Variants in MYCBP2 observed in about 807,000 individuals in gnomAD.
MYCBP2 encodes MYC binding protein 2.
In MYCBP2, 120 loss-of-function variants were observed where a neutral mutation model predicts 525.3. The observed-to-expected ratio is 0.23, with a 90% CI of 0.20 to 0.27. The LOEUF (loss-of-function observed/expected upper bound fraction) is 0.27, where lower values mean the gene tolerates loss of function less well. Ranked by LOEUF, MYCBP2 falls within the 10% of genes least tolerant of loss-of-function variation. The pLI, the probability that MYCBP2 is intolerant of heterozygous loss-of-function variation, is 1.00. For synonymous variants in MYCBP2, 1,894 were observed against 1,955.8 expected (o/e 0.97, Z 0.83); for missense variants, 4,149 against 5,657.1 (o/e 0.73, Z 8.55).
intron 78 of MYCBP2, among the ~76,000 whole-genome samples, chr13:77,057,756 C>G (rs1417061444): frequency 6.6e-6 from 1 of 151,690 alleles, no homozygotes; most frequent in Admixed American, 6.6e-5. Context: ...GCAGAATTTG[C>G]TCCTCATTAG....
chr13:77,323,542 C>G (rs540877694), intron 1 of MYCBP2, among the ~76,000 whole-genome samples: 33 of 152,238 alleles, frequency 2.2e-4, no homozygotes, highest in Non-Finnish European at 4.1e-4. Context: ...AATAGCCCCA[C>G]TACAAATTGC....
chr13:77,056,672 G>A (rs2038144157), intron 79 of MYCBP2, among the ~76,000 whole-genome samples: 1 of 152,162 alleles, frequency 6.6e-6, no homozygotes. Context: ...GGTAGCCGTT[G>A]TCATGTTATG....
At chr13:77,296,057 GATA>G (rs1324544805) in intron 2 of MYCBP2, among the ~76,000 whole-genome samples, 7 of 152,116 alleles carry the variant, frequency 4.6e-5, no homozygotes, top group Non-Finnish European at 1.0e-4. Flanking sequence ...ACTGATCAAA[GATA>G]ATAAGAATAA....
At chr13:77,164,070 C>G (rs544468260) in intron 43 of MYCBP2, among the ~76,000 whole-genome samples, 31 of 152,312 alleles carry the variant, frequency 2.0e-4, no homozygotes, top group African/African-American at 7.5e-4. Flanking sequence ...AATTACATTT[C>G]TATCGACCTG....
intron 68 of MYCBP2, among the ~76,000 whole-genome samples, chr13:77,074,002 G>A (rs74239789): frequency 9.4e-6 from 1 of 106,642 alleles, no homozygotes; most frequent in Non-Finnish European, 1.9e-5. Flanking sequence ...CATCCCCACC[G>A]CCCCCCCCCC....
Position 77,181,733 on chromosome 13 carries a change from G to C in MYCBP2, c.4909C>G (p.Leu1637Val). 1 of 1,613,980 alleles carries C rather than the reference G, an allele frequency of 6.2e-7. No homozygotes were observed. The highest frequency in any genetic ancestry group is 8.5e-7 in the Non-Finnish European group (1 of 1,179,952). ...AGTTTTTCCATATGTGCCACCAAAA[G>C]GGGAAAACGATGAACTAGTGTTGAG... ...NDSTLVHRFP[L>V]LVAHMEKLSQ... The change falls in exon 33 of 83, where the codon CTT (leucine) becomes GTT (valine). Residue 1637 changes from leucine to valine, a missense_variant. Coordinates refer to ENST00000544440, the MANE Select transcript of MYCBP2 (RefSeq NM_015057.5).
intron 55 of MYCBP2, among the ~76,000 whole-genome samples, chr13:77,102,514 T>C (rs2047223677): frequency 6.6e-6 from 1 of 151,526 alleles, no homozygotes. Context: ...AATTAAATAA[T>C]ACTTTAAGAC....
intron 1 of MYCBP2, among the ~76,000 whole-genome samples, chr13:77,305,008 T>C (rs1469039381): frequency 6.6e-6 from 1 of 152,076 alleles, no homozygotes; most frequent in East Asian, 1.9e-4. Flanking sequence ...ACTGGATCCC[T>C]AATCAAAATC....
intron 1 of MYCBP2, among the ~76,000 whole-genome samples, chr13:77,324,273 G>A (rs926574495): frequency 1.3e-5 from 2 of 152,104 alleles, no homozygotes; most frequent in African/African-American, 4.8e-5. Context: ...TTTTGATTCC[G>A]TTTCCTTCAC....
intron 21 of MYCBP2, among the ~76,000 whole-genome samples, 166 bp downstream of exon 21, chr13:77,217,674 C>A (rs983507939): frequency 2.1e-4 from 32 of 151,932 alleles, no homozygotes; most frequent in African/African-American, 6.0e-4. Context: ...CAAAGAATAT[C>A]ATTCAGGTTT....
At chr13:77,234,166 T>C (rs962061326) in intron 17 of MYCBP2, among the ~76,000 whole-genome samples, 5 of 151,978 alleles carry the variant, frequency 3.3e-5, no homozygotes, top group African/African-American at 7.2e-5. Flanking sequence ...AAATTTTAGT[T>C]ACAACTTAAA....
In MYCBP2 at chr13:77,081,804, A is replaced by C; in HGVS notation, c.11193+33T>G. 1.3e-6 allele frequency: 2 copies of C among 1,591,556 alleles called. No individual in the cohort carries two copies. The highest frequency in any genetic ancestry group is 1.7e-6 in the Non-Finnish European group (2 of 1,169,832). ...CTCCTTTGATGTATTATTAACTAACAGGACAACCAGGATAATAACTGAAAT... is the reference window on the plus strand; with the variant it reads ...CTCCTTTGATGTATTATTAACTAACCGGACAACCAGGATAATAACTGAAAT... On this transcript the variant is annotated intron_variant, in intron 64 of 82. Coordinates refer to ENST00000544440, the MANE Select transcript of MYCBP2 (RefSeq NM_015057.5). The surrounding 1 kb of genome is among the most constrained non-coding windows in gnomAD (Gnocchi z 4.6).
At chr13:77,246,629 G>A (rs2070060077) in intron 15 of MYCBP2, among the ~76,000 whole-genome samples, 1 of 147,972 alleles carries the variant, frequency 6.8e-6, no homozygotes, top group South Asian at 2.2e-4. Context: ...AGAAGGAGAA[G>A]GAGAAAGAGA....
intron 3 of MYCBP2, among the ~76,000 whole-genome samples, chr13:77,285,606 G>C (rs1403708101): frequency 6.6e-6 from 1 of 152,076 alleles, no homozygotes; most frequent in Admixed American, 6.5e-5. Flanking sequence ...TACCAACATG[G>C]AGAAACCCCA....
intron 80 of MYCBP2, among the ~76,000 whole-genome samples, chr13:77,053,121 T>C (rs2037176964): frequency 6.7e-6 from 1 of 150,098 alleles, no homozygotes; most frequent in South Asian, 2.1e-4. Context: ...CTGGGTGATA[T>C]GGTGAGACCC....
intron 26 of MYCBP2, among the ~76,000 whole-genome samples, chr13:77,198,501 A>G (rs935015087): frequency 6.6e-6 from 1 of 152,182 alleles, no homozygotes; most frequent in African/African-American, 2.4e-5. Flanking sequence ...TTTAATCGAG[A>G]TTTTTTTGTG....
chr13:77,299,051 G>A (rs1316126497), intron 1 of MYCBP2, among the ~76,000 whole-genome samples: 1 of 152,146 alleles, frequency 6.6e-6, no homozygotes, highest in Non-Finnish European at 1.5e-5. Flanking sequence ...GATTACCTGA[G>A]TGAAATCAGG....
At chr13:77,057,170 G>A (rs1042719258) in intron 78 of MYCBP2, 77 bp from the exon 79 acceptor site, 7 of 1,009,840 alleles carry the variant, frequency 6.9e-6, no homozygotes, top group Non-Finnish European at 1.1e-5. Context: ...ATTATTTAAT[G>A]CAAGGCACTA....
chr13:77,236,703 T>A (rs1023692635), intron 17 of MYCBP2, among the ~76,000 whole-genome samples: 1 of 152,130 alleles, frequency 6.6e-6, no homozygotes, highest in Non-Finnish European at 1.5e-5. Context: ...AACAATGAGA[T>A]AACATTGTTC....
Sources: allele counts gnomAD v4.1 joint callset (sites outside exome capture counted in the v4.1 genomes callset), GRCh38; gene constraint gnomAD v4.1.1; non-coding constraint Gnocchi (gnomAD v3.1); transcripts MANE v1.5; gene names NCBI Gene and HGNC (gene_info 2026-07-23, HGNC 2026-07-21).